Variants in TNRC6A observed in about 807,000 individuals in gnomAD.
TNRC6A encodes trinucleotide repeat containing adaptor 6A.
In TNRC6A, 44 loss-of-function variants were observed where a neutral mutation model predicts 221.2. The ratio of observed to expected loss-of-function variants is 0.20; its 90% confidence interval spans 0.16 to 0.26. The LOEUF is 0.26. Ranked by LOEUF, TNRC6A falls within the 10% of genes least tolerant of loss-of-function variation. TNRC6A has a pLI of 1.00. For synonymous variants in TNRC6A, 847 were observed against 838.5 expected (o/e 1.01, Z -0.18); for missense variants, 2,199 against 2,404.4 (o/e 0.91, Z 1.79).
chr16:24,762,105 A>G (rs981481047), intron 4 of TNRC6A, among the ~76,000 whole-genome samples: 2 of 152,218 alleles, frequency 1.3e-5, no homozygotes, highest in Admixed American at 1.3e-4. Flanking sequence ...CAATGGAGAA[A>G]AAAGGATTGA....
chr16:24,660,902 A>C (rs376609731), intron 2 of TNRC6A, among the ~76,000 whole-genome samples: 14 of 150,904 alleles, frequency 9.3e-5, no homozygotes, highest in Admixed American at 1.3e-4. Flanking sequence ...CCACCACGCC[A>C]GGCTAATTTT....
At chr16:24,743,719 C>A (rs546081674) in intron 2 of TNRC6A, among the ~76,000 whole-genome samples, 2 of 152,318 alleles carry the variant, frequency 1.3e-5, no homozygotes, top group Non-Finnish European at 1.5e-5. Context: ...AACATTTAAT[C>A]ACATTTACTT....
chr16:24,705,290 C>T (rs1381850482), intron 2 of TNRC6A, among the ~76,000 whole-genome samples: 1 of 151,898 alleles, frequency 6.6e-6, no homozygotes, highest in East Asian at 1.9e-4. Context: ...AGGATGGCCT[C>T]TCAAACTCTA....
At chr16:24,653,597 G>A (rs1367831337) in intron 2 of TNRC6A, among the ~76,000 whole-genome samples, 1 of 152,082 alleles carries the variant, frequency 6.6e-6, no homozygotes, top group Non-Finnish European at 1.5e-5. Context: ...CCAACATGGT[G>A]AAACCCTGTC....
intron 1 of TNRC6A, among the ~76,000 whole-genome samples, chr16:24,618,089 T>C (rs1900468915): frequency 6.7e-6 from 1 of 149,926 alleles, no homozygotes; most frequent in Non-Finnish European, 1.5e-5. Context: ...TATTTGTTTA[T>C]TTGTTTGTTT....
chr16:24,714,431 C>T (rs1434577299), intron 2 of TNRC6A, among the ~76,000 whole-genome samples: 2 of 150,990 alleles, frequency 1.3e-5, no homozygotes, highest in Non-Finnish European at 2.9e-5. Flanking sequence ...GCCTCAGCCT[C>T]CCGAGTAGCT....
At chr16:24,661,806 T>G (rs1426983387) in intron 2 of TNRC6A, 1 of 152,194 alleles carries the variant, frequency 6.6e-6, no homozygotes, top group Non-Finnish European at 1.5e-5. Flanking sequence ...CATTAATGGA[T>G]CAAGTAATTA....
intron 2 of TNRC6A, among the ~76,000 whole-genome samples, chr16:24,676,677 C>T (rs1214759902): frequency 6.6e-6 from 1 of 152,066 alleles, no homozygotes; most frequent in Non-Finnish European, 1.5e-5. Context: ...TAGTTTTGAA[C>T]TCCTGGGCTC....
intron 4 of TNRC6A, among the ~76,000 whole-genome samples, chr16:24,760,346 C>A (rs755992461): frequency 6.6e-6 from 1 of 152,098 alleles, no homozygotes; most frequent in African/African-American, 2.4e-5. Flanking sequence ...GTTTCTTCAA[C>A]ATCTTTGAGT....
intron 11 of TNRC6A, among the ~76,000 whole-genome samples, chr16:24,799,416 A>G (rs2058287683): frequency 6.6e-6 from 1 of 152,168 alleles, no homozygotes. Flanking sequence ...GCTTAACAAG[A>G]TACAGCTTTC....
intron 1 of TNRC6A, among the ~76,000 whole-genome samples, chr16:24,632,812 C>A (rs1293004514): frequency 1.3e-5 from 2 of 152,062 alleles, no homozygotes; most frequent in Non-Finnish European, 2.9e-5. Flanking sequence ...AGTTCAAGAC[C>A]AGCTTGGCCA....
intron 2 of TNRC6A, among the ~76,000 whole-genome samples, chr16:24,703,040 T>G (rs1361045510): frequency 2.2e-4 from 2 of 9,028 alleles, no homozygotes; most frequent in African/African-American, 7.7e-3. Context: ...GTGTCAAAAA[T>G]AAAATAAAAT....
intron 9 of TNRC6A, chr16:24,796,145 G>T (rs1567491780): frequency 4.2e-6 from 2 of 481,438 alleles, no homozygotes. Flanking sequence ...GTGTCAGCTT[G>T]AATTTGGAAG....
chr16:24,616,342 A>AAAGAAG (rs575298794), intron 1 of TNRC6A, among the ~76,000 whole-genome samples: 9 of 144,856 alleles, frequency 6.2e-5, no homozygotes, highest in African/African-American at 2.0e-4. Flanking sequence ...AAAAAAAAAA[A>AAAGAAG]AAGAAGAAGA....
At chr16:24,678,307 T>A (rs2055460771) in intron 2 of TNRC6A, among the ~76,000 whole-genome samples, 1 of 137,454 alleles carries the variant, frequency 7.3e-6, no homozygotes, top group Non-Finnish European at 1.5e-5. Context: ...TGAGACCCTG[T>A]CTCAAAAAAA....
At chr16:24,692,733 T>C (rs1453990093) in intron 2 of TNRC6A, among the ~76,000 whole-genome samples, 1 of 151,786 alleles carries the variant, frequency 6.6e-6, no homozygotes, top group Non-Finnish European at 1.5e-5. Flanking sequence ...TATATATATA[T>C]GTGTATATAT....
intron 20 of TNRC6A, among the ~76,000 whole-genome samples, chr16:24,818,215 C>T (rs2058692850): frequency 6.6e-6 from 1 of 152,124 alleles, no homozygotes; most frequent in African/African-American, 2.4e-5. Context: ...AGCAGGATAG[C>T]CAGTAAGAAG....
intron 13 of TNRC6A, 71 bp downstream of exon 13, chr16:24,804,922 T>C: frequency 6.2e-7 from 1 of 1,613,688 alleles, no homozygotes; most frequent in Admixed American, 1.7e-5. Context: ...CTCTTACATG[T>C]AGTTACTGTG....
intron 2 of TNRC6A, among the ~76,000 whole-genome samples, chr16:24,689,286 A>G (rs1490444618): frequency 6.6e-6 from 1 of 152,244 alleles, no homozygotes; most frequent in African/African-American, 2.4e-5. Context: ...GAAGAGTGAC[A>G]TGATCACAGC....
Sources: gnomAD v4.1 joint callset for allele counts (sites outside exome capture counted in the v4.1 genomes callset) on GRCh38, gnomAD v4.1.1 for gene constraint, MANE v1.5 for transcripts, NCBI Gene and HGNC (gene_info 2026-07-23, HGNC 2026-07-21) for gene names.